Variants in PCDHGB2 observed in about 807,000 individuals in gnomAD.
PCDHGB2 encodes the protein protocadherin gamma subfamily B, 2, also known as protocadherin gamma-B2.
A neutral mutation model predicts 59.3 loss-of-function variants in PCDHGB2; 55 were observed. That is an observed-to-expected ratio of 0.93 (90% CI 0.75 to 1.16). The LOEUF is 1.16. Ranked by LOEUF, PCDHGB2 falls within the 50% of genes most tolerant of loss-of-function variation. PCDHGB2 has a pLI of 0.00. For missense variants in PCDHGB2, 1,228 were observed against 1,198.5 expected, an observed-to-expected ratio of 1.02 and a Z score of -0.36; for synonymous variants, 516 against 512.0, an observed-to-expected ratio of 1.01 and a Z score of -0.11.
intron 1 of PCDHGB2, among the ~76,000 whole-genome samples, chr5:141,454,932 C>T (rs945154196): frequency 1.3e-5 from 2 of 150,768 alleles, no homozygotes; most frequent in African/African-American, 2.4e-5. Context: ...CTCAGCCTCC[C>T]GAGTAGCTGG....
rs757410882 is a variant in PCDHGB2 at position 141,421,504 on chromosome 5, C to T, written c.2421+58948C>T. 8 of 1,614,062 alleles carry T rather than the reference C, an allele frequency of 5.0e-6. No homozygotes were observed. The highest frequency in any genetic ancestry group is 3.3e-5 in the South Asian group (3 of 91,088). ...CTTGATCACGGCAGGCAGGATAGACCGGGAGGAGCTCTGTGAGACGGTGTC... is the reference window on the plus strand; with the variant it reads ...CTTGATCACGGCAGGCAGGATAGACTGGGAGGAGCTCTGTGAGACGGTGTC... On this transcript the variant is annotated intron_variant, in intron 1 of 3. Transcript: ENST00000522605.
In PCDHGB2 at chr5:141,489,873, G is replaced by A. The variant is rs1252665956; in HGVS notation, c.2422-4934G>A. The A allele has an allele frequency of 4.3e-6, 7 of 1,614,224 alleles. No homozygotes were observed. The highest frequency in any genetic ancestry group is 5.9e-6 in the Non-Finnish European group (7 of 1,180,030). On this transcript the variant is annotated intron_variant, in intron 1 of 3. Coordinates refer to ENST00000522605, the MANE Select transcript of PCDHGB2 (RefSeq NM_018923.3). The surrounding 1 kb of genome is among the most constrained non-coding windows in gnomAD (Gnocchi z 4.5). Reference sequence around the variant, plus strand: ...AAGCCCAGGCAAGACATCAGCTGGTGCTTACTGCTGTGGATGGGGGGACCC... The same window carrying A: ...AAGCCCAGGCAAGACATCAGCTGGTACTTACTGCTGTGGATGGGGGGACCC...
intron 1 of PCDHGB2, chr5:141,415,030 G>A (rs374572942): frequency 1.2e-6 from 2 of 1,613,460 alleles, no homozygotes; most frequent in African/African-American, 2.7e-5. Flanking sequence ...CAGCGAGCCG[G>A]GACTCTTCGC....
chr5:141,506,380 T>C (rs1209879935), intron 3 of PCDHGB2, among the ~76,000 whole-genome samples: 1 of 141,314 alleles, frequency 7.1e-6, no homozygotes, highest in Non-Finnish European at 1.5e-5. Flanking sequence ...ACCTGGGAGG[T>C]GGCTGTGGTG....
At position 141,431,871 on chromosome 5, in the gene PCDHGB2, T is replaced by C; in HGVS notation, c.2422-62936T>C. The C allele has an allele frequency of 1.9e-6, 3 of 1,614,234 alleles. No homozygotes were observed. The highest frequency in any genetic ancestry group is 2.5e-6 in the Non-Finnish European group (3 of 1,180,032). The stretch of plus-strand genomic sequence containing the variant: ...GGGACATTAATTGCCCTTTTAAATG[T>C]AAATGACCAAGATTCTGAGGAAAAC... On this transcript the variant is annotated intron_variant, in intron 1 of 3. Coordinates refer to ENST00000522605, the MANE Select transcript of PCDHGB2 (RefSeq NM_018923.3). The surrounding 1 kb of genome is among the most constrained non-coding windows in gnomAD (Gnocchi z 4.8).
In PCDHGB2 at chr5:141,418,244, C is replaced by T. The variant is rs746986702; in HGVS notation, c.2421+55688C>T. 1.3e-5 allele frequency: 21 copies of T among 1,613,980 alleles called. No individual in the cohort carries two copies. The South Asian group carries it at 2.2e-4, about 17-fold the overall frequency. ...TGTGGTGATTGAGGATGTTAATGAC[C>T]ACGCCCCTCAATTCCGGAAAGATGA... is the stretch of plus-strand genomic sequence containing the variant. On this transcript the variant is annotated intron_variant, in intron 1 of 3. Transcript: ENST00000522605.
chr5:141,431,770 T>A lies in PCDHGB2; in HGVS notation c.2422-63037T>A, dbSNP rs748816389. 7 of 1,614,086 alleles carry A rather than the reference T, an allele frequency of 4.3e-6. No homozygotes were observed. The highest frequency in any genetic ancestry group is 1.3e-5 in the African/African-American group (1 of 74,938). ...CGCGAGCCAAAGTCCTGATCACTGT[T>A]CTGGACGTGAACGACAATGCCCCAG... On this transcript the variant is annotated intron_variant, in intron 1 of 3. Coordinates refer to ENST00000522605, the MANE Select transcript of PCDHGB2 (RefSeq NM_018923.3). This position sits in a 1 kb window ranked among gnomAD's most constrained non-coding sequence, Gnocchi z 4.8.
At chr5:141,375,593 T>A (rs922478028) in intron 1 of PCDHGB2, 5 of 1,614,142 alleles carry the variant, frequency 3.1e-6, no homozygotes, top group Non-Finnish European at 4.2e-6. Context: ...CCTGTCCTCC[T>A]ACGTGTCCAT....
chr5:141,482,126 A>G (rs1235540230), intron 1 of PCDHGB2, among the ~76,000 whole-genome samples: 1 of 152,004 alleles, frequency 6.6e-6, no homozygotes, highest in Non-Finnish European at 1.5e-5. Flanking sequence ...TGGGAGAATC[A>G]TATGGCTGGC....
rs544860780 is a variant in PCDHGB2 at position 141,406,543 on chromosome 5, C to G, written c.2421+43987C>G. On this transcript the variant is annotated intron_variant, in intron 1 of 3. Transcript: ENST00000522605. ...AGATATTTTCTGACGAAGATTCAAA[C>G]TTCAGTTATCCACTTCCAAACCCTA... is the stretch of plus-strand genomic sequence containing the variant. Among the ~76,000 whole-genome samples, 16 of 152,288 alleles carry G rather than the reference C, an allele frequency of 1.1e-4. 1 individual carries two copies. The South Asian group carries it at 2.9e-3, about 28-fold the overall frequency.
At chr5:141,470,485 GAAT>G (rs2099231720) in intron 1 of PCDHGB2, among the ~76,000 whole-genome samples, 1 of 152,074 alleles carries the variant, frequency 6.6e-6, no homozygotes, top group Admixed American at 6.6e-5. Context: ...AACCCTCTGG[GAAT>G]AATATTAGGT....
At chr5:141,413,090 C>A in intron 1 of PCDHGB2, 2 of 1,391,312 alleles carry the variant, frequency 1.4e-6, no homozygotes, top group Non-Finnish European at 1.9e-6. Flanking sequence ...ACAGAGACAC[C>A]CTGAAGCCAC....
chr5:141,382,789 T>C (rs1778438315), intron 1 of PCDHGB2: 4 of 924,532 alleles, frequency 4.3e-6, no homozygotes, highest in African/African-American at 3.3e-5. Context: ...CAAGCCTCTA[T>C]CCTGCTGGAT....
rs767521224 is a variant in PCDHGB2 at position 141,431,148 on chromosome 5, C to T, written c.2422-63659C>T. 3.7e-6 allele frequency: 6 copies of T among 1,614,146 alleles called. No homozygotes were observed. Among genetic ancestry groups the T allele is most frequent in the Admixed American group, 1.7e-5 (1 of 60,030 alleles). On this transcript the variant is annotated intron_variant, in intron 1 of 3. Coordinates refer to ENST00000522605, the MANE Select transcript of PCDHGB2 (RefSeq NM_018923.3). The surrounding 1 kb of genome is among the most constrained non-coding windows in gnomAD (Gnocchi z 4.8). Reference sequence around the variant, plus strand: ...GAAGTAAGGGACATTAACGACAATGCGCCTTACTTTCGTGAAAGTGAATTA... The same window carrying T: ...GAAGTAAGGGACATTAACGACAATGTGCCTTACTTTCGTGAAAGTGAATTA...
At chr5:141,365,280 T>C (rs1298679649) in intron 1 of PCDHGB2, 2 of 1,614,018 alleles carry the variant, frequency 1.2e-6, no homozygotes, top group Admixed American at 1.7e-5. Context: ...TTCTACCTCA[T>C]GGAAGTGGTA....
At chr5:141,366,029 C>G (rs766110369) in intron 1 of PCDHGB2, 1 of 1,614,260 alleles carries the variant, frequency 6.2e-7, no homozygotes, top group Admixed American at 1.7e-5. Flanking sequence ...GTACCCCGCC[C>G]TCCCCACAGA....
rs17097234 is a variant in PCDHGB2, at chr5:141,362,611, G to A, written c.2421+55G>A. The A allele has an allele frequency of 3.3e-3, 5,121 of 1,555,416 alleles. 139 individuals are homozygous for A. The African/African-American group carries it at 0.064, about 19-fold the overall frequency. On this transcript the variant is annotated intron_variant, in intron 1 of 3. Coordinates refer to ENST00000522605, the MANE Select transcript of PCDHGB2 (RefSeq NM_018923.3). ...TGGTTTTATTGTTTCACCTAATTTG[G>A]GTAGGAAGTTCCACTGCGTATTTCT...
At chr5:141,483,385 G>C (rs1166547027) in intron 1 of PCDHGB2, among the ~76,000 whole-genome samples, 1 of 152,160 alleles carries the variant, frequency 6.6e-6, no homozygotes, top group Non-Finnish European at 1.5e-5. Context: ...AGAGAAGATT[G>C]ATAAATGCTT....
chr5:141,444,467 G>A (rs1288596542), intron 1 of PCDHGB2, among the ~76,000 whole-genome samples: 3 of 151,998 alleles, frequency 2.0e-5, no homozygotes, highest in African/African-American at 4.8e-5. Flanking sequence ...CACTGCGCCC[G>A]GTCGCGTACT....
Sources: gnomAD v4.1 joint callset for allele counts (sites outside exome capture counted in the v4.1 genomes callset) on GRCh38, gnomAD v4.1.1 for gene constraint, Gnocchi (gnomAD v3.1) non-coding constraint, MANE v1.5 for transcripts, NCBI Gene and HGNC (gene_info 2026-07-23, HGNC 2026-07-21) for gene names.